Variants in USP13 observed in about 807,000 individuals in gnomAD.
The protein encoded by USP13 is ubiquitin specific peptidase 13.
USP13 carries 68 observed loss-of-function variants against 107.8 expected under a neutral mutation model. That is an observed-to-expected ratio of 0.63 (90% CI 0.52 to 0.77). USP13 has a LOEUF of 0.77. USP13 is among the 30% of genes least tolerant of loss of function. The pLI is 0.00. For missense variants in USP13, 945 were observed against 1,093.3 expected (o/e 0.86, Z 1.91); for synonymous variants, 377 against 389.5 (o/e 0.97, Z 0.38).
chr3:179,754,122 T>C (rs962616264), intron 14 of USP13, among the ~76,000 whole-genome samples: 5 of 152,122 alleles, frequency 3.3e-5, no homozygotes, highest in Non-Finnish European at 7.4e-5. Flanking sequence ...GGGCTGAGTA[T>C]AGGAGGCTTG....
chr3:179,745,300 GTTATTTGT>G lies in USP13; in HGVS notation c.1709+84_1709+91del, dbSNP rs1012139552. On this transcript the variant is annotated intron_variant, in intron 13 of 20. Coordinates refer to ENST00000263966, the MANE Select transcript of USP13 (RefSeq NM_003940.3). ...CAGGGGTAAGGGAAAGGGGGTGGGT[GTTATTTGT>G]GTCTGTGTGTGTTTGTTCATGTGTG... 4.3e-5 allele frequency: 64 copies of G among 1,490,824 alleles called. No homozygotes were observed. The African/African-American group carries it at 8.3e-4, about 19-fold the overall frequency. The allele number at this position is 1,490,824 out of a possible 1,614,324, so 92.3% of individuals were successfully genotyped here.
At chr3:179,717,751 T>C (rs1026517344) in intron 6 of USP13, among the ~76,000 whole-genome samples, 1 of 152,230 alleles carries the variant, frequency 6.6e-6, no homozygotes, top group South Asian at 2.1e-4. Context: ...AATTTATTAG[T>C]TCAAAGGTTT....
intron 16 of USP13, among the ~76,000 whole-genome samples, chr3:179,757,571 C>T (rs1002613658): frequency 3.3e-5 from 5 of 152,016 alleles, no homozygotes; most frequent in African/African-American, 1.2e-4. Context: ...CCTTTTAGTT[C>T]CTAATCCTGT....
At chr3:179,730,149 T>C (rs199892596) in intron 8 of USP13, 40 bp from the exon 9 acceptor site, 1 of 1,565,822 alleles carries the variant, frequency 6.4e-7, no homozygotes, top group African/African-American at 1.4e-5. Context: ...CTGTTCTTCT[T>C]GCAGTTGCTA....
chr3:179,735,994 T>C (rs1187015486), intron 10 of USP13, among the ~76,000 whole-genome samples: 1 of 152,196 alleles, frequency 6.6e-6, no homozygotes, highest in Non-Finnish European at 1.5e-5. Flanking sequence ...GAGCTGTGAT[T>C]GCACCATTGC....
intron 1 of USP13, among the ~76,000 whole-genome samples, chr3:179,658,978 C>T (rs961700423): frequency 6.6e-6 from 1 of 152,172 alleles, no homozygotes; most frequent in Non-Finnish European, 1.5e-5. Flanking sequence ...AAAAAGGTGG[C>T]CGGAGGGGAT....
At chr3:179,687,650 ACT>A (rs1298874915) in intron 2 of USP13, among the ~76,000 whole-genome samples, 1 of 134,860 alleles carries the variant, frequency 7.4e-6, no homozygotes, top group Non-Finnish European at 1.6e-5. Context: ...CAAGAGTGAA[ACT>A]CTGTCTCAAA....
intron 19 of USP13, among the ~76,000 whole-genome samples, chr3:179,776,322 C>T (rs1348821025): frequency 3.3e-5 from 5 of 152,114 alleles, no homozygotes; most frequent in African/African-American, 1.2e-4. Context: ...TTACCAATCC[C>T]TCCCCTAGAT....
chr3:179,718,454 C>T (rs1713185200), intron 6 of USP13, among the ~76,000 whole-genome samples: 1 of 152,036 alleles, frequency 6.6e-6, no homozygotes, highest in Non-Finnish European at 1.5e-5. Context: ...ATGTACCTCG[C>T]TGGTGTCCTG....
chr3:179,704,542 G>A (rs892732859), intron 4 of USP13, among the ~76,000 whole-genome samples: 3 of 151,994 alleles, frequency 2.0e-5, no homozygotes, highest in Admixed American at 6.6e-5. Flanking sequence ...AACTCTCAAC[G>A]CTACTGACCG....
chr3:179,719,254 G>A (rs201762688), intron 6 of USP13, among the ~76,000 whole-genome samples: 1 of 152,128 alleles, frequency 6.6e-6, no homozygotes, highest in East Asian at 1.9e-4. Context: ...GCTGGCTGGA[G>A]TCTTGAGTAT....
intron 15 of USP13, among the ~76,000 whole-genome samples, chr3:179,755,454 CT>C (rs1180202894): frequency 2.0e-5 from 3 of 152,150 alleles, no homozygotes; most frequent in African/African-American, 7.2e-5. Context: ...GCCACCATGC[CT>C]GCTTAATTTT....
At chr3:179,728,924 C>G (rs1015958023) in intron 8 of USP13, among the ~76,000 whole-genome samples, 1 of 141,682 alleles carries the variant, frequency 7.1e-6, no homozygotes, top group South Asian at 2.3e-4. Flanking sequence ...AGCTTCAGCT[C>G]GGCATCAGAG....
chr3:179,703,245 T>C (rs1560054662), intron 4 of USP13, among the ~76,000 whole-genome samples: 3 of 152,252 alleles, frequency 2.0e-5, no homozygotes, highest in African/African-American at 7.2e-5. Context: ...TTTATCTACA[T>C]AGAAGATGCT....
In USP13 at chr3:179,764,075, T is replaced by C. The variant is rs756563112; in HGVS notation, c.2166T>C (p.Ser722=). ...CTGGAGCCTCTGTTTTTGGTGCTTC[T>C]GGACTGGATAACCAACCTCCAGAGG... ...ASAGASVFGA[S]GLDNQPPEEI... The change falls in exon 18 of 21, where the codon TCT becomes TCC. Residue 722 remains serine, a synonymous_variant. Transcript: ENST00000263966. 6.2e-7 allele frequency: 1 copy of C among 1,614,176 alleles called. No homozygotes were observed. Among genetic ancestry groups the C allele is most frequent in the Admixed American group, 1.7e-5 (1 of 59,994 alleles).
intron 3 of USP13, among the ~76,000 whole-genome samples, chr3:179,692,730 C>G (rs989701456): frequency 3.3e-5 from 5 of 152,158 alleles, no homozygotes; most frequent in Non-Finnish European, 5.9e-5. Flanking sequence ...AAGAAGTTAG[C>G]TGACCTTGGC....
intron 8 of USP13, among the ~76,000 whole-genome samples, chr3:179,725,070 G>C (rs1316508084): frequency 2.6e-5 from 4 of 152,142 alleles, no homozygotes; most frequent in African/African-American, 9.7e-5. Context: ...AAATTAGCCA[G>C]GCGTGGTGGT....
intron 13 of USP13, among the ~76,000 whole-genome samples, chr3:179,747,042 G>C (rs964696874): frequency 1.3e-5 from 2 of 152,202 alleles, no homozygotes; most frequent in African/African-American, 2.4e-5. Flanking sequence ...GAGATTAATA[G>C]TAGTTCATTC....
chr3:179,775,219 C>T (rs184437536), intron 19 of USP13, among the ~76,000 whole-genome samples: 85 of 139,570 alleles, frequency 6.1e-4, no homozygotes, highest in African/African-American at 2.1e-3. Flanking sequence ...GCATGCTGAT[C>T]GGTGCATTTA....
Sources: allele counts gnomAD v4.1 joint callset (sites outside exome capture counted in the v4.1 genomes callset), GRCh38; gene constraint gnomAD v4.1.1; transcripts MANE v1.5; gene names NCBI Gene and HGNC (gene_info 2026-07-23, HGNC 2026-07-21).